NDUFA10: variants seen among roughly 807,000 people sequenced by gnomAD.
NDUFA10 encodes NADH dehydrogenase [ubiquinone] 1 alpha subcomplex subunit 10, mitochondrial.
A neutral mutation model predicts 47.8 loss-of-function variants in NDUFA10; 40 were observed. The observed-to-expected ratio is 0.84, with a 90% CI of 0.65 to 1.09. The LOEUF (loss-of-function observed/expected upper bound fraction) is 1.09. Among genes scored for constraint, NDUFA10 ranks in the 50% least tolerant of loss-of-function variants. The pLI is 0.00. For synonymous variants in NDUFA10, 183 were observed against 172.2 expected, an observed-to-expected ratio of 1.06 and a Z score of -0.49; for missense variants, 413 against 451.1, an observed-to-expected ratio of 0.92 and a Z score of 0.76.
At chr2:239,899,513 T>G (rs1693502597) in intron 4 of NDUFA10, among the ~76,000 whole-genome samples, 1 of 151,514 alleles carries the variant, frequency 6.6e-6, no homozygotes, top group Admixed American at 6.6e-5. Context: ...GATGGTCCCT[T>G]CCACAATTGC....
chr2:239,973,841 T>C (rs1695401364), intron 9 of NDUFA10, among the ~76,000 whole-genome samples: 1 of 151,976 alleles, frequency 6.6e-6, no homozygotes, highest in Non-Finnish European at 1.5e-5. Flanking sequence ...ATGAGGAGGG[T>C]CGCTAAGGAA....
At chr2:240,024,115 C>T (rs982622775) in intron 1 of NDUFA10, among the ~76,000 whole-genome samples, 2 of 152,234 alleles carry the variant, frequency 1.3e-5, no homozygotes, top group African/African-American at 4.8e-5. Flanking sequence ...AGTAATCGCT[C>T]TTCCAGGTAT....
chr2:239,979,934 C>T (rs1048919540), intron 9 of NDUFA10, among the ~76,000 whole-genome samples: 1 of 152,082 alleles, frequency 6.6e-6, no homozygotes, highest in Admixed American at 6.5e-5. Flanking sequence ...AGCTCCAGAC[C>T]ATGTCCACCT....
At chr2:240,010,846 G>C (rs142185525) in intron 6 of NDUFA10, among the ~76,000 whole-genome samples, 1,750 of 149,846 alleles carry the variant, frequency 0.012, 30 homozygotes, top group African/African-American at 0.04. Context: ...TTCTAAAATT[G>C]CTATACTTTT....
chr2:239,956,631 G>A (rs1694659586), downstream of NDUFA10, among the ~76,000 whole-genome samples: 1 of 152,192 alleles, frequency 6.6e-6, no homozygotes, highest in Non-Finnish European at 1.5e-5. Flanking sequence ...GCAGACCAGT[G>A]GAAATGCACT....
At position 239,950,447 on chromosome 2, in the gene NDUFA10, T is replaced by G. The variant is rs1445133785; in HGVS notation, c.294+39627A>C. 2.0e-5 allele frequency among the ~76,000 whole-genome samples: 3 copies of G among 152,248 alleles called. No homozygotes were observed. In the East Asian group the frequency reaches 5.8e-4, roughly 29 times the overall value. ...CCTCGGGGCATGACCTTTGGAAATC[T>G]GAGGAACGGTTCCTCCTTGCTCCCC... On this transcript the variant is annotated intron_variant, in intron 4 of 5. Coordinates refer to the NDUFA10 transcript ENST00000419408.
At chr2:239,982,620 T>C (rs1193560315) in intron 9 of NDUFA10, among the ~76,000 whole-genome samples, 1 of 152,216 alleles carries the variant, frequency 6.6e-6, no homozygotes, top group Non-Finnish European at 1.5e-5. Context: ...CCAGGCCCTA[T>C]CTCTTCCTAT....
chr2:239,996,124 C>CT (rs1696466335), intron 8 of NDUFA10, among the ~76,000 whole-genome samples: 1 of 152,164 alleles, frequency 6.6e-6, no homozygotes, highest in South Asian at 2.1e-4. Flanking sequence ...GACCCCAACT[C>CT]TGAGTAACCG....
At chr2:240,011,743 T>C in intron 5 of NDUFA10, 47 bp from the exon 6 acceptor site, 1 of 1,484,644 alleles carries the variant, frequency 6.7e-7, no homozygotes, top group Non-Finnish European at 9.4e-7. Flanking sequence ...TAGAGTTCAT[T>C]CTCTTTGACC....
At chr2:239,951,198 T>C (rs1274617951) in intron 4 of NDUFA10, among the ~76,000 whole-genome samples, 1 of 152,156 alleles carries the variant, frequency 6.6e-6, no homozygotes, top group African/African-American at 2.4e-5. Flanking sequence ...GAGGCTACTA[T>C]TGAGACAGGG....
At chr2:239,938,068 G>T (rs1319380056) in intron 4 of NDUFA10, among the ~76,000 whole-genome samples, 1 of 152,084 alleles carries the variant, frequency 6.6e-6, no homozygotes, top group Non-Finnish European at 1.5e-5. Context: ...CTGACGCCAG[G>T]ACAGCCTCGG....
At chr2:239,997,110 G>T (rs1039641229) in intron 8 of NDUFA10, among the ~76,000 whole-genome samples, 4 of 151,618 alleles carry the variant, frequency 2.6e-5, no homozygotes, top group African/African-American at 9.7e-5. Flanking sequence ...TCCAAGGTTG[G>T]TTGAATCCAA....
At chr2:239,998,750 C>T (rs147924668) in intron 8 of NDUFA10, among the ~76,000 whole-genome samples, 18 of 152,338 alleles carry the variant, frequency 1.2e-4, no homozygotes, top group African/African-American at 3.8e-4. Context: ...GGCAGAAATA[C>T]TGCCCATATG....
Position 240,014,998 on chromosome 2 carries a change from CA to C in NDUFA10, c.548-139del, listed in dbSNP as rs986151505. On this transcript the variant is annotated intron_variant, in intron 4 of 9. Coordinates refer to ENST00000252711, the MANE Select transcript of NDUFA10 (RefSeq NM_004544.4). ...ACCAATCTACAAACCCTATCTCGGT[CA>C]CAGTTCTAAGCACTGACCACACACA... 4 of 1,308,654 alleles carry C rather than the reference CA, an allele frequency of 3.1e-6. No individual in the cohort carries two copies. In the Admixed American group the frequency reaches 7.9e-5, roughly 26 times the overall value. The allele number at this position is 1,308,654 out of a possible 1,614,324, so 81.1% of individuals were successfully genotyped here.
chr2:239,983,615 A>G, intron 9 of NDUFA10: 1 of 1,590,726 alleles, frequency 6.3e-7, no homozygotes, highest in Non-Finnish European at 8.6e-7. Flanking sequence ...CTCAGCCAGG[A>G]GCCCACGGTC....
chr2:239,976,912 C>A (rs770973171), intron 9 of NDUFA10, among the ~76,000 whole-genome samples: 12 of 152,270 alleles, frequency 7.9e-5, no homozygotes, highest in African/African-American at 2.4e-4. Flanking sequence ...CTGATTTAGA[C>A]AACTGCAACC....
chr2:240,002,313 A>G (rs1696753685), intron 8 of NDUFA10, among the ~76,000 whole-genome samples: 1 of 145,586 alleles, frequency 6.9e-6, no homozygotes, highest in Admixed American at 6.9e-5. Context: ...CTGGGCAACA[A>G]GAGCAAAACT....
intron 4 of NDUFA10, among the ~76,000 whole-genome samples, chr2:239,900,958 G>C (rs1265319632): frequency 6.6e-6 from 1 of 152,264 alleles, no homozygotes; most frequent in Admixed American, 6.5e-5. Context: ...AGATCTAGCT[G>C]AGATCATGGA....
At chr2:240,013,066 T>C (rs1416253742) in intron 5 of NDUFA10, 1 of 152,244 alleles carries the variant, frequency 6.6e-6, no homozygotes, top group African/African-American at 2.4e-5. Flanking sequence ...TATAAGCCCA[T>C]AACATGCAAC....
Sources: gnomAD v4.1 joint callset for allele counts (sites outside exome capture counted in the v4.1 genomes callset) on GRCh38, gnomAD v4.1.1 for gene constraint, MANE v1.5 for transcripts, NCBI Gene and HGNC (gene_info 2026-07-23, HGNC 2026-07-21) for gene names.